The following UBE2V1 variants were observed in gnomAD, a reference collection of about 807,000 sequenced individuals.
UBE2V1 encodes ubiquitin conjugating enzyme E2 V1, also known as ubiquitin-conjugating enzyme E2 variant 1.
A neutral mutation model predicts 19.6 loss-of-function variants in UBE2V1; 15 were observed. That is an observed-to-expected ratio of 0.77 (90% CI 0.51 to 1.18). UBE2V1 has a LOEUF of 1.18. Ranked by LOEUF, UBE2V1 falls within the 50% of genes most tolerant of loss-of-function variation. The pLI is 0.00. For missense variants in UBE2V1, 125 were observed against 184.8 expected, an observed-to-expected ratio of 0.68 and a Z score of 1.88; for synonymous variants, 60 against 60.7, an observed-to-expected ratio of 0.99 and a Z score of 0.05.
intron 2 of UBE2V1, among the ~76,000 whole-genome samples, chr20:50,091,487 TACCTCCC>T (rs1398690014): frequency 2.8e-5 from 4 of 144,404 alleles, no homozygotes; most frequent in Non-Finnish European, 6.0e-5. Flanking sequence ...CTGCAACCTC[TACCTCCC>T]AGGTTCAAGT....
At chr20:50,105,919 C>T (rs553824081) in intron 1 of UBE2V1, among the ~76,000 whole-genome samples, 4 of 150,770 alleles carry the variant, frequency 2.7e-5, no homozygotes, top group East Asian at 1.9e-4. Flanking sequence ...AACAGAGACT[C>T]GTCAAAAAAA....
At chr20:50,109,568 G>T (rs2080610425) in intron 1 of UBE2V1, among the ~76,000 whole-genome samples, 1 of 152,046 alleles carries the variant, frequency 6.6e-6, no homozygotes, top group African/African-American at 2.4e-5. Context: ...GACCAACATG[G>T]TGAAACCCTG....
chr20:50,086,031 C>T (rs557891849), intron 2 of UBE2V1, among the ~76,000 whole-genome samples: 1 of 152,278 alleles, frequency 6.6e-6, no homozygotes, highest in Non-Finnish European at 1.5e-5. Context: ...TCTCTTGCTC[C>T]CGGCACAGCA....
At chr20:50,092,853 T>C (rs2079324872) in intron 2 of UBE2V1, among the ~76,000 whole-genome samples, 1 of 152,186 alleles carries the variant, frequency 6.6e-6, no homozygotes, top group Admixed American at 6.5e-5. Context: ...TAAGTTTCCT[T>C]TCCACTCCAG....
Position 50,081,561 on chromosome 20 carries a change from G to C in UBE2V1, c.*1207C>G, listed in dbSNP as rs1412091779. The C allele has an allele frequency of 6.5e-6, 1 of 153,416 alleles. No individual in the cohort carries two copies. The highest frequency in any genetic ancestry group is 1.5e-5 in the Non-Finnish European group (1 of 68,614). The allele number at this position is 153,416 out of a possible 1,614,324, so 9.5% of individuals were successfully genotyped here. On this transcript the variant is annotated 3_prime_UTR_variant, in exon 4 of 4. Coordinates refer to ENST00000371674, the MANE Select transcript of UBE2V1 (RefSeq NM_001032288.3). ...GAAGCAGCAGCAGCACCAAAACCAA[G>C]GCATGCACCGGATTCAAGGTTCTTT...
upstream of UBE2V1, chr20:50,115,716 C>T (rs1410034270): frequency 6.8e-6 from 7 of 1,034,904 alleles, no homozygotes; most frequent in Non-Finnish European, 8.7e-6. Flanking sequence ...TTACATCCAA[C>T]TTTTAATCCT....
At chr20:50,100,368 A>G (rs1569001372) in intron 1 of UBE2V1, among the ~76,000 whole-genome samples, 1 of 151,602 alleles carries the variant, frequency 6.6e-6, no homozygotes, top group Non-Finnish European at 1.5e-5. Context: ...TGGGTGGATC[A>G]TGAGGTCAAG....
chr20:50,113,119 T>C lies in UBE2V1; in HGVS notation c.10A>G (p.Thr4Ala), dbSNP rs754286855. The change falls in exon 1 of 4, where the codon ACC (threonine) becomes GCC (alanine). Residue 4 changes from threonine to alanine, a missense_variant. By Grantham distance (58) the Thr-to-Ala change is moderately conservative. This residue lies in a region of UBE2V1 where 28 missense variants were observed against 22.5 expected (regional missense o/e 1.25). Transcript: ENST00000371674. The stretch of plus-strand genomic sequence containing the variant: ...CGCCCCCGCTCACCCGAGCCCGTGG[T>C]GGCTGCCATCTTGCGTCGCTCTTGC... MAATTGSGVKVPRN... is the reference protein window; with the variant it reads MAAATGSGVKVPRN... 5.1e-6 allele frequency: 7 copies of C among 1,360,472 alleles called. 1 individual carries two copies. In the South Asian group the frequency reaches 8.9e-5, roughly 17 times the overall value. 84.3% of individuals were successfully genotyped at this position (1,360,472 alleles called of 1,614,324 possible).
At chr20:50,088,529 TA>T (rs1379792562) in intron 2 of UBE2V1, among the ~76,000 whole-genome samples, 1 of 152,194 alleles carries the variant, frequency 6.6e-6, no homozygotes, top group East Asian at 1.9e-4. Flanking sequence ...CCCACGCCTG[TA>T]ATCTCAGCAC....
At chr20:50,113,253 C>T, upstream of UBE2V1, 2 of 725,622 alleles carry the variant, frequency 2.8e-6, no homozygotes, top group Middle Eastern at 3.6e-4. Flanking sequence ...CGGAGACCTG[C>T]ACGACCCGTG....
chr20:50,086,499 C>T (rs2078922478), intron 2 of UBE2V1, among the ~76,000 whole-genome samples: 1 of 151,790 alleles, frequency 6.6e-6, no homozygotes, highest in Non-Finnish European at 1.5e-5. Flanking sequence ...AGGAAGCAAA[C>T]AAAGGCATGA....
At chr20:50,101,767 G>A (rs766595471) in intron 1 of UBE2V1, among the ~76,000 whole-genome samples, 2 of 152,018 alleles carry the variant, frequency 1.3e-5, no homozygotes, top group African/African-American at 2.4e-5. Flanking sequence ...TAGGGGCTAT[G>A]AACAAAATAA....
At chr20:50,093,714 G>A (rs1219929707) in intron 2 of UBE2V1, among the ~76,000 whole-genome samples, 1 of 151,964 alleles carries the variant, frequency 6.6e-6, no homozygotes, top group African/African-American at 2.4e-5. Context: ...ATCTCCGGCA[G>A]GGCGCGATGG....
intron 1 of UBE2V1, among the ~76,000 whole-genome samples, chr20:50,097,267 T>C (rs1327566996): frequency 6.6e-6 from 1 of 152,190 alleles, no homozygotes; most frequent in African/African-American, 2.4e-5. Flanking sequence ...TCACCATGGA[T>C]ATGGGAAATA....
intron 2 of UBE2V1, among the ~76,000 whole-genome samples, chr20:50,091,640 G>A (rs191623400): frequency 3.3e-5 from 5 of 152,018 alleles, no homozygotes; most frequent in African/African-American, 7.2e-5. Context: ...TGATCTGCCC[G>A]CCTTGGCCTC....
At chr20:50,098,560 A>G (rs2079783034) in intron 1 of UBE2V1, among the ~76,000 whole-genome samples, 1 of 152,162 alleles carries the variant, frequency 6.6e-6, no homozygotes, top group Non-Finnish European at 1.5e-5. Context: ...GAGATTTGCT[A>G]TCAGGTTGCC....
intron 1 of UBE2V1, among the ~76,000 whole-genome samples, chr20:50,100,296 A>C (rs1374249301): frequency 1.3e-5 from 2 of 151,194 alleles, no homozygotes; most frequent in African/African-American, 4.9e-5. Context: ...AAAAAAAAAA[A>C]AAAAAAAAAG....
chr20:50,115,830 C>A, upstream of UBE2V1: 1 of 361,234 alleles, frequency 2.8e-6, no homozygotes, highest in East Asian at 4.3e-5. Context: ...AAACACAAGC[C>A]TTTTATCTAT....
intron 1 of UBE2V1, among the ~76,000 whole-genome samples, chr20:50,109,742 C>T (rs12481311): frequency 0.34 from 40,933 of 119,874 alleles, 7,203 homozygotes; most frequent in South Asian, 0.55. Context: ...GGCGAAACTC[C>T]GTCTCAAAAA....
Sources: gnomAD v4.1 joint callset for allele counts (sites outside exome capture counted in the v4.1 genomes callset) on GRCh38, gnomAD v4.1.1 for gene constraint, gnomAD v4.1.1 regional missense constraint, MANE v1.5 for transcripts, NCBI Gene and HGNC (gene_info 2026-07-23, HGNC 2026-07-21) for gene names.